Variants in DTWD2 observed in about 807,000 individuals in gnomAD.
The protein encoded by DTWD2 is DTW motif tRNA-uridine aminocarboxypropyltransferase 2, also known as tRNA-uridine aminocarboxypropyltransferase 2.
DTWD2 carries 39 observed loss-of-function variants against 31.8 expected under a neutral mutation model. The observed-to-expected ratio is 1.22, with a 90% CI of 0.95 to 1.60. The LOEUF is 1.60. Among genes scored for constraint, DTWD2 ranks in the 40% most tolerant of loss-of-function variants. DTWD2 has a pLI of 0.00. For missense variants in DTWD2, 515 were observed against 381.5 expected (o/e 1.35, Z -2.92); for synonymous variants, 180 against 142.8 (o/e 1.26, Z -1.86).
chr5:118,860,741 C>T (rs1752241693), intron 4 of DTWD2, among the ~76,000 whole-genome samples: 1 of 152,070 alleles, frequency 6.6e-6, no homozygotes, highest in Non-Finnish European at 1.5e-5. Flanking sequence ...TTTTAATATG[C>T]AGTATTCTTG....
intron 1 of DTWD2, among the ~76,000 whole-genome samples, chr5:118,978,900 G>A (rs1242218032): frequency 1.3e-5 from 2 of 152,106 alleles, no homozygotes; most frequent in Admixed American, 6.5e-5. Flanking sequence ...CAGCTACCTG[G>A]GAGGCTGAAG....
At position 118,890,007 on chromosome 5, in the gene DTWD2, T is replaced by C. The variant is rs370036860; in HGVS notation, c.597+38530A>G. Among the ~76,000 whole-genome samples, 246 of 152,222 alleles carry C rather than the reference T, an allele frequency of 1.6e-3. 3 individuals carry two copies. Among genetic ancestry groups the C allele is most frequent in the African/African-American group, 5.4e-3 (226 of 41,564 alleles). On this transcript the variant is annotated intron_variant, in intron 4 of 5. Coordinates refer to ENST00000510708, the MANE Select transcript of DTWD2 (RefSeq NM_173666.4). ...AAGTCCATTTTCTGACAAAAGAAAG[T>C]AAATGTCATTATATAAAATATCAAT...
intron 4 of DTWD2, among the ~76,000 whole-genome samples, chr5:118,895,511 T>A (rs2149562514): frequency 6.6e-6 from 1 of 152,230 alleles, no homozygotes; most frequent in East Asian, 1.9e-4. Flanking sequence ...AAAAAGGAAA[T>A]CCTGCAATTC....
In DTWD2 at chr5:118,836,279, C is replaced by T. The variant is rs185413895; in HGVS notation, c.*4638G>A. 6.2e-4 allele frequency among the ~76,000 whole-genome samples: 95 copies of T among 152,184 alleles called. 1 individual carries two copies. The highest frequency in any genetic ancestry group is 5.9e-4 in the Admixed American group (9 of 15,290). On this transcript the variant is annotated 3_prime_UTR_variant, in exon 6 of 6. Transcript: ENST00000510708. ...TATTTGAGACACTGTCTCACTCTGT[C>T]GCCCAGGCTAGAGTGCAGTGGTACA...
intron 4 of DTWD2, among the ~76,000 whole-genome samples, chr5:118,890,964 CAGAT>C (rs2069600378): frequency 6.6e-6 from 1 of 151,326 alleles, no homozygotes; most frequent in African/African-American, 2.4e-5. Context: ...CCTTAGTAAG[CAGAT>C]AGAAGAATAG....
rs969754878 is a variant in DTWD2 at position 118,906,797 on chromosome 5, T to G, written c.597+21740A>C. On this transcript the variant is annotated intron_variant, in intron 4 of 5. Transcript: ENST00000510708. ...TAATGGTTTTACAAGTGTGCATGTATGTCAAAACTTAGCAAACTGCACACT... is the reference window on the plus strand; with the variant it reads ...TAATGGTTTTACAAGTGTGCATGTAGGTCAAAACTTAGCAAACTGCACACT... 1.1e-4 allele frequency among the ~76,000 whole-genome samples: 17 copies of G among 152,306 alleles called. No homozygotes were observed. In the South Asian group the frequency reaches 3.5e-3, roughly 32 times the overall value.
At chr5:118,907,756 C>T (rs1753367207) in intron 4 of DTWD2, among the ~76,000 whole-genome samples, 1 of 151,682 alleles carries the variant, frequency 6.6e-6, no homozygotes, top group East Asian at 1.9e-4. Flanking sequence ...CCAAAGGTCA[C>T]CCAGGAGTCA....
intron 1 of DTWD2, among the ~76,000 whole-genome samples, chr5:118,964,342 A>G (rs1754777897): frequency 1.3e-5 from 2 of 152,230 alleles, no homozygotes; most frequent in Non-Finnish European, 1.5e-5. Flanking sequence ...AGTTGTGGTC[A>G]TTTGGTGGCT....
chr5:118,852,670 A>C (rs1267400075), intron 4 of DTWD2, among the ~76,000 whole-genome samples: 3 of 152,180 alleles, frequency 2.0e-5, no homozygotes, highest in African/African-American at 7.2e-5. Context: ...TGATTTCTCA[A>C]AGAAATTAAA....
chr5:118,876,297 T>C (rs1173813174), intron 4 of DTWD2, among the ~76,000 whole-genome samples: 1 of 151,864 alleles, frequency 6.6e-6, no homozygotes, highest in African/African-American at 2.4e-5. Context: ...CTAAAAGAAC[T>C]AGAGGACCAA....
intron 4 of DTWD2, among the ~76,000 whole-genome samples, chr5:118,892,559 T>A (rs181930852): frequency 4.6e-5 from 7 of 152,102 alleles, no homozygotes; most frequent in Non-Finnish European, 1.0e-4. Flanking sequence ...ACATTTTAAA[T>A]AAATTCATTT....
chr5:118,883,711 C>T (rs140047028), intron 4 of DTWD2, among the ~76,000 whole-genome samples: 4 of 152,300 alleles, frequency 2.6e-5, no homozygotes, highest in African/African-American at 9.6e-5. Flanking sequence ...AATTCCCTCA[C>T]TATCACAAAA....
intron 4 of DTWD2, among the ~76,000 whole-genome samples, chr5:118,867,723 T>C (rs1752408317): frequency 6.6e-6 from 1 of 152,196 alleles, no homozygotes; most frequent in African/African-American, 2.4e-5. Context: ...CAGTCATCTA[T>C]AACAACACTT....
intron 4 of DTWD2, among the ~76,000 whole-genome samples, chr5:118,886,941 A>C (rs2149557814): frequency 6.6e-6 from 1 of 152,296 alleles, no homozygotes; most frequent in South Asian, 2.1e-4. Flanking sequence ...TGGGTAAGAA[A>C]TTAATGCCAA....
rs1753344450 is a variant in DTWD2, at chr5:118,906,807, T to C, written c.597+21730A>G. Among the ~76,000 whole-genome samples the C allele has an allele frequency of 2.6e-5, 4 of 152,278 alleles. No individual in the cohort carries two copies. The South Asian group carries it at 8.3e-4, about 32-fold the overall frequency. On this transcript the variant is annotated intron_variant, in intron 4 of 5. Transcript: ENST00000510708. ...ACAAGTGTGCATGTATGTCAAAACT[T>C]AGCAAACTGCACACTTTAAACATGT...
chr5:118,948,613 T>C (rs1276876060), intron 1 of DTWD2, among the ~76,000 whole-genome samples: 1 of 151,914 alleles, frequency 6.6e-6, no homozygotes, highest in East Asian at 1.9e-4. Context: ...TCAGGAATAA[T>C]GTGGGGGCCA....
intron 2 of DTWD2, among the ~76,000 whole-genome samples, chr5:118,940,940 A>G (rs1490363973): frequency 1.3e-5 from 2 of 152,178 alleles, no homozygotes; most frequent in African/African-American, 4.8e-5. Context: ...CCTTTAACAT[A>G]AGATTATTTT....
intron 4 of DTWD2, among the ~76,000 whole-genome samples, chr5:118,902,431 C>G (rs904380270): frequency 2.0e-4 from 31 of 152,090 alleles, no homozygotes; most frequent in African/African-American, 7.5e-4. Flanking sequence ...GTATCACAAA[C>G]TGGTAAAAGT....
At chr5:118,886,693 T>C (rs1468836286) in intron 4 of DTWD2, among the ~76,000 whole-genome samples, 2 of 152,212 alleles carry the variant, frequency 1.3e-5, no homozygotes, top group Non-Finnish European at 2.9e-5. Flanking sequence ...CTATTATTTA[T>C]CCATTATTAT....
Sources: allele counts gnomAD v4.1 joint callset (sites outside exome capture counted in the v4.1 genomes callset), GRCh38; gene constraint gnomAD v4.1.1; transcripts MANE v1.5; gene names NCBI Gene and HGNC (gene_info 2026-07-23, HGNC 2026-07-21).